PHACTR1: variants seen among roughly 807,000 people sequenced by gnomAD.
The protein encoded by PHACTR1 is phosphatase and actin regulator 1, also known as RPEL repeat containing 1.
A neutral mutation model predicts 69.2 loss-of-function variants in PHACTR1; 16 were observed. That is an observed-to-expected ratio of 0.23 (90% CI 0.16 to 0.35). The LOEUF (loss-of-function observed/expected upper bound fraction) is 0.35. Ranked by LOEUF, PHACTR1 falls within the 10% of genes least tolerant of loss-of-function variation. The pLI is 1.00. For synonymous variants in PHACTR1, 312 were observed against 284.5 expected, an observed-to-expected ratio of 1.10 and a Z score of -0.97; for missense variants, 510 against 734.7, an observed-to-expected ratio of 0.69 and a Z score of 3.54.
chr6:13,049,812 A>G (rs1805645663), intron 4 of PHACTR1, among the ~76,000 whole-genome samples: 1 of 152,380 alleles, frequency 6.6e-6, no homozygotes, highest in African/African-American at 2.4e-5. Flanking sequence ...AGGCCAGTAC[A>G]GGAAATTAGA....
At chr6:13,210,595 C>G (rs1206815228) in intron 8 of PHACTR1, among the ~76,000 whole-genome samples, 3 of 152,126 alleles carry the variant, frequency 2.0e-5, no homozygotes, top group Non-Finnish European at 1.5e-5. Context: ...AGCTGTGTGA[C>G]CCAAAGCGTA....
rs141095535 is a variant in PHACTR1, at chr6:12,745,927, T to C, written c.104-3717T>C. Among the ~76,000 whole-genome samples, 8 of 152,290 alleles carry C rather than the reference T, an allele frequency of 5.3e-5. 1 individual carries two copies. The East Asian group carries it at 1.5e-3, about 29-fold the overall frequency. ...CAGTGGCACCCACCATCTTGATGCC[T>C]ACCCCTAGCGCTCTTCCACTGATGT... On this transcript the variant is annotated intron_variant, in intron 3 of 14. Coordinates refer to ENST00000332995, the MANE Select transcript of PHACTR1 (RefSeq NM_030948.6).
chr6:13,282,942 T>C lies in PHACTR1; in HGVS notation c.1510-480T>C, dbSNP rs74975681. Among the ~76,000 whole-genome samples, 510 of 152,302 alleles carry C rather than the reference T, an allele frequency of 3.3e-3. 3 individuals carry two copies. Among genetic ancestry groups the C allele is most frequent in the African/African-American group, 0.012 (498 of 41,544 alleles). On this transcript the variant is annotated intron_variant, in intron 12 of 14. Coordinates refer to ENST00000332995, the MANE Select transcript of PHACTR1 (RefSeq NM_030948.6). ...ATTTGTATAGGTGTAAAAACAGTAC[T>C]GTGAATATGCTTTGAAGTCCTAATC...
intron 3 of PHACTR1, among the ~76,000 whole-genome samples, chr6:12,747,193 T>C (rs909984417): frequency 1.8e-4 from 28 of 152,132 alleles, no homozygotes; most frequent in African/African-American, 6.8e-4. Flanking sequence ...GTCAAATATA[T>C]ATACTTAGCA....
chr6:13,096,385 GC>G (rs1814256559), intron 5 of PHACTR1, among the ~76,000 whole-genome samples: 1 of 152,130 alleles, frequency 6.6e-6, no homozygotes, highest in Non-Finnish European at 1.5e-5. Context: ...AAATACACAG[GC>G]TAATTAGAAA....
At chr6:13,109,766 A>C (rs1816730279) in intron 5 of PHACTR1, among the ~76,000 whole-genome samples, 2 of 151,656 alleles carry the variant, frequency 1.3e-5, no homozygotes, top group Admixed American at 6.6e-5. Flanking sequence ...TGGAATGAAA[A>C]TTGTATGTAT....
chr6:13,026,930 A>T (rs1222657440), intron 4 of PHACTR1, among the ~76,000 whole-genome samples: 1 of 152,178 alleles, frequency 6.6e-6, no homozygotes, highest in African/African-American at 2.4e-5. Context: ...ATAAAAATAA[A>T]AAATAAAAAA....
intron 5 of PHACTR1, among the ~76,000 whole-genome samples, chr6:13,123,539 G>C (rs1819067067): frequency 6.6e-6 from 1 of 152,210 alleles, no homozygotes; most frequent in African/African-American, 2.4e-5. Flanking sequence ...AGCCAGCTTT[G>C]ATGAGGGAAA....
At position 13,032,126 on chromosome 6, in the gene PHACTR1, T is replaced by C. The variant is rs1043948129; in HGVS notation, c.251-21239T>C. ...TGCAGAATAATTACCCATGGAGATA[T>C]ATTTCAGATATTATATAGCCTGTGA... On this transcript the variant is annotated intron_variant, in intron 4 of 14. Transcript: ENST00000332995. Among the ~76,000 whole-genome samples the C allele has an allele frequency of 3.9e-5, 6 of 152,314 alleles. No homozygotes were observed. In the East Asian group the frequency reaches 9.6e-4, roughly 24 times the overall value.
chr6:13,147,562 T>A (rs1354201504), intron 5 of PHACTR1, among the ~76,000 whole-genome samples: 1 of 152,246 alleles, frequency 6.6e-6, no homozygotes, highest in Non-Finnish European at 1.5e-5. Context: ...ACTAAGCAAG[T>A]GTTTGTTAAG....
intron 4 of PHACTR1, among the ~76,000 whole-genome samples, chr6:12,978,778 T>C (rs1436006370): frequency 6.6e-6 from 1 of 152,208 alleles, no homozygotes; most frequent in Non-Finnish European, 1.5e-5. Flanking sequence ...CACAGCAGTA[T>C]CAAGTCTCAA....
intron 5 of PHACTR1, among the ~76,000 whole-genome samples, chr6:13,120,960 C>G (rs1818629272): frequency 6.6e-6 from 1 of 152,148 alleles, no homozygotes; most frequent in Admixed American, 6.5e-5. Flanking sequence ...AAAGAACAAG[C>G]CTGGCACCCT....
intron 4 of PHACTR1, among the ~76,000 whole-genome samples, chr6:12,813,418 C>T (rs1581872688): frequency 6.6e-6 from 1 of 152,166 alleles, no homozygotes; most frequent in South Asian, 2.1e-4. Context: ...GCGGGCAGAG[C>T]TTTTGCCAGA....
At chr6:13,169,866 G>A (rs569519188) in intron 6 of PHACTR1, among the ~76,000 whole-genome samples, 10 of 152,302 alleles carry the variant, frequency 6.6e-5, no homozygotes, top group African/African-American at 2.2e-4. Flanking sequence ...AAGTCTGCAG[G>A]CTAATAATTT....
chr6:12,785,947 C>T (rs1396598860), intron 4 of PHACTR1, among the ~76,000 whole-genome samples: 1 of 152,034 alleles, frequency 6.6e-6, no homozygotes, highest in Non-Finnish European at 1.5e-5. Flanking sequence ...CTTGAAAAGC[C>T]GACCTGTCAA....
In PHACTR1 at chr6:12,749,761, A is replaced by C. The variant is rs1463066420; in HGVS notation, c.221A>C (p.Glu74Ala). 6.2e-7 allele frequency: 1 copy of C among 1,610,576 alleles called. No homozygotes were observed. The highest frequency in any genetic ancestry group is 1.7e-4 in the Middle Eastern group (1 of 6,048). ...RSKSDTPYLAEARISFNLGAA... is the reference protein window; with the variant it reads ...RSKSDTPYLAAARISFNLGAA... Reference sequence around the variant, plus strand: ...AAGAGCGACACGCCGTACCTCGCAGAGGCCAGGATCTCCTTTAACCTGGGG... The same window carrying C: ...AAGAGCGACACGCCGTACCTCGCAGCGGCCAGGATCTCCTTTAACCTGGGG... The change falls in exon 4 of 15, where the codon GAG (glutamate) becomes GCG (alanine). Residue 74 changes from glutamate to alanine, a missense_variant. Physicochemically the swap from Glu to Ala is moderately radical, Grantham distance 107 (BLOSUM62 -1). This residue lies in a region of PHACTR1 where 419 missense variants were observed against 530.9 expected (regional missense o/e 0.79). Transcript: ENST00000332995.
intron 10 of PHACTR1, among the ~76,000 whole-genome samples, chr6:13,261,832 G>C (rs756784357): frequency 6.6e-6 from 1 of 152,060 alleles, no homozygotes; most frequent in African/African-American, 2.4e-5. Flanking sequence ...TTGTCAGTTA[G>C]ACAGACAAAG....
chr6:13,154,252 C>T (rs1218061653), intron 5 of PHACTR1, among the ~76,000 whole-genome samples: 1 of 152,142 alleles, frequency 6.6e-6, no homozygotes, highest in East Asian at 1.9e-4. Flanking sequence ...GCAACCTCCA[C>T]CTCCTGGGTT....
chr6:13,134,986 G>T (rs1446582241), intron 5 of PHACTR1, among the ~76,000 whole-genome samples: 3 of 151,980 alleles, frequency 2.0e-5, no homozygotes, highest in African/African-American at 4.8e-5. Context: ...TCACCATCCT[G>T]CATGTCAGGA....
Sources: gnomAD v4.1 joint callset for allele counts (sites outside exome capture counted in the v4.1 genomes callset) on GRCh38, gnomAD v4.1.1 for gene constraint, gnomAD v4.1.1 regional missense constraint, MANE v1.5 for transcripts, NCBI Gene and HGNC (gene_info 2026-07-23, HGNC 2026-07-21) for gene names.